Variants in TIAM2 observed in about 807,000 individuals in gnomAD.
TIAM2 encodes the protein rho guanine nucleotide exchange factor TIAM2.
Under a neutral mutation model 152.9 loss-of-function variants are expected in TIAM2, and 80 were observed. That is an observed-to-expected ratio of 0.52 (90% CI 0.44 to 0.63). The LOEUF is 0.63. Ranked by LOEUF, TIAM2 falls within the 30% of genes least tolerant of loss-of-function variation. TIAM2 has a pLI of 0.00. For synonymous variants in TIAM2, 804 were observed against 838.0 expected, an observed-to-expected ratio of 0.96 and a Z score of 0.70; for missense variants, 1,965 against 2,120.1, an observed-to-expected ratio of 0.93 and a Z score of 1.44.
At chr6:154,997,378 A>G (rs182152250) in intron 1 of TIAM2, among the ~76,000 whole-genome samples, 524 of 152,248 alleles carry the variant, frequency 3.4e-3, no homozygotes, top group Non-Finnish European at 5.7e-3. Context: ...CAGGCTGTTC[A>G]CTACACAAGG....
intron 2 of TIAM2, among the ~76,000 whole-genome samples, chr6:155,114,036 A>ATTTTTTTTTTT (rs869241399): frequency 3.7e-4 from 13 of 34,908 alleles, no homozygotes; most frequent in Non-Finnish European, 4.5e-4. Flanking sequence ...ATATATATAT[A>ATTTTTTTTTTT]TTTTTTTTTT....
intron 2 of TIAM2, among the ~76,000 whole-genome samples, chr6:155,125,484 T>C (rs1029440603): frequency 6.6e-6 from 1 of 152,150 alleles, no homozygotes; most frequent in Non-Finnish European, 1.5e-5. Flanking sequence ...TCTGCTGCAC[T>C]GTTGGTGAGC....
At chr6:155,104,044 C>A (rs1415267630) in intron 2 of TIAM2, among the ~76,000 whole-genome samples, 10 of 96,928 alleles carry the variant, frequency 1.0e-4, no homozygotes, top group South Asian at 6.3e-4. Flanking sequence ...ACACACACCC[C>A]CCCCCCCACA....
intron 1 of TIAM2, among the ~76,000 whole-genome samples, chr6:155,009,851 CT>C (rs952443908): frequency 6.0e-5 from 9 of 149,508 alleles, no homozygotes; most frequent in Admixed American, 1.3e-4. Flanking sequence ...TCTGTATACT[CT>C]TTTTTTTTTC....
intron 1 of TIAM2, among the ~76,000 whole-genome samples, chr6:155,087,308 C>A (rs1393539709): frequency 6.6e-6 from 1 of 152,136 alleles, no homozygotes; most frequent in Admixed American, 6.5e-5. Flanking sequence ...TATGGCAGAT[C>A]TTATATTTTA....
chr6:155,147,065 G>A (rs2115063529), intron 6 of TIAM2, among the ~76,000 whole-genome samples: 1 of 152,024 alleles, frequency 6.6e-6, no homozygotes, highest in East Asian at 1.9e-4. Flanking sequence ...CAAATAGTAT[G>A]TGGTCTTTGT....
intron 14 of TIAM2, among the ~76,000 whole-genome samples, chr6:155,193,807 G>A (rs184360343): frequency 6.6e-6 from 1 of 152,322 alleles, no homozygotes; most frequent in Admixed American, 6.5e-5. Context: ...GTAAGAGTGT[G>A]GCAATGAAGA....
intron 7 of TIAM2, among the ~76,000 whole-genome samples, chr6:155,149,861 T>A (rs938743846): frequency 2.0e-5 from 3 of 151,750 alleles, no homozygotes; most frequent in Non-Finnish European, 4.4e-5. Flanking sequence ...AGGCAGAGGT[T>A]GCAGTGAACC....
At chr6:155,038,796 G>A (rs1026033229) in intron 1 of TIAM2, among the ~76,000 whole-genome samples, 1 of 151,906 alleles carries the variant, frequency 6.6e-6, no homozygotes, top group Non-Finnish European at 1.5e-5. Context: ...GCCAGGTATT[G>A]TGGTGCACAC....
intron 4 of TIAM2, among the ~76,000 whole-genome samples, chr6:155,132,843 G>T (rs927924273): frequency 1.4e-4 from 22 of 152,164 alleles, no homozygotes; most frequent in Non-Finnish European, 1.5e-4. Flanking sequence ...TGGCTTACAC[G>T]CGGCTCTAGT....
intron 1 of TIAM2, among the ~76,000 whole-genome samples, chr6:155,089,642 T>C (rs546060014): frequency 6.6e-6 from 1 of 152,310 alleles, no homozygotes; most frequent in Admixed American, 6.5e-5. Context: ...TTTCTCTAAG[T>C]TCAAATACCA....
chr6:155,052,141 G>C (rs1320091078), intron 1 of TIAM2, among the ~76,000 whole-genome samples: 1 of 151,982 alleles, frequency 6.6e-6, no homozygotes, highest in African/African-American at 2.4e-5. Context: ...AGGAAGAAGA[G>C]GTAGGTGGGA....
chr6:155,200,722 G>C (rs1462964503), intron 14 of TIAM2, among the ~76,000 whole-genome samples: 1 of 152,060 alleles, frequency 6.6e-6, no homozygotes, highest in African/African-American at 2.4e-5. Flanking sequence ...GGCCAATGTG[G>C]TGAAACCCTG....
intron 2 of TIAM2, among the ~76,000 whole-genome samples, chr6:155,090,624 G>T (rs963312882): frequency 3.0e-4 from 46 of 152,294 alleles, no homozygotes; most frequent in Middle Eastern, 6.8e-3. Flanking sequence ...GGTCCACTCA[G>T]TGTGGAAAAC....
At position 155,129,235 on chromosome 6, in the gene TIAM2, C is replaced by T. The variant is rs759547603; in HGVS notation, c.12C>T (p.Ser4=). The T allele has an allele frequency of 1.4e-5, 23 of 1,610,984 alleles. No individual in the cohort carries two copies. Among genetic ancestry groups the T allele is most frequent in the East Asian group, 4.5e-5 (2 of 44,772 alleles). Residue 4 remains serine, a synonymous_variant, in exon 4 of 27, where the codon TCC becomes TCT. Transcript: ENST00000682666. The surrounding 1 kb of genome is among the most constrained non-coding windows in gnomAD (Gnocchi z 4.8). MGN[S]DSQYTLQGSK... ...TAATTTAGGTTAAAATGGGCAACTC[C>T]GACAGTCAGTACACCCTTCAAGGAT...
chr6:155,247,998 A>G lies in TIAM2; in HGVS notation c.3653-2A>G, dbSNP rs1453526472. 6.2e-7 allele frequency: 1 copy of G among 1,613,614 alleles called. No individual in the cohort carries two copies. The highest frequency in any genetic ancestry group is 8.5e-7 in the Non-Finnish European group (1 of 1,179,726). ...TGAGGTCTTTTATCCATCTGCTTGT[A>G]GCTAAAACTGACAAAGCCTTCAAGG... On this transcript the variant is annotated splice_acceptor_variant, in intron 19 of 26. Transcript: ENST00000682666. LOFTEE classifies it high-confidence loss of function.
At chr6:155,195,357 T>C (rs1236362249) in intron 14 of TIAM2, among the ~76,000 whole-genome samples, 1 of 152,192 alleles carries the variant, frequency 6.6e-6, no homozygotes, top group Non-Finnish European at 1.5e-5. Flanking sequence ...CCATGGTAGG[T>C]ACCCATCGCC....
At chr6:155,043,368 T>C (rs878969000) in intron 1 of TIAM2, among the ~76,000 whole-genome samples, 4 of 152,052 alleles carry the variant, frequency 2.6e-5, no homozygotes, top group Admixed American at 2.6e-4. Flanking sequence ...GTGGCTCATG[T>C]CTGTAATGCC....
At chr6:155,082,345 A>C (rs971632298) in intron 1 of TIAM2, among the ~76,000 whole-genome samples, 5 of 151,924 alleles carry the variant, frequency 3.3e-5, no homozygotes, top group African/African-American at 1.2e-4. Flanking sequence ...CCTGTCTCTA[A>C]AAACTAGCTA....
Sources: allele counts gnomAD v4.1 joint callset (sites outside exome capture counted in the v4.1 genomes callset), GRCh38; gene constraint gnomAD v4.1.1; non-coding constraint Gnocchi (gnomAD v3.1); transcripts MANE v1.5; gene names NCBI Gene and HGNC (gene_info 2026-07-23, HGNC 2026-07-21).